Variants in DLG2 observed in about 807,000 individuals in gnomAD.
DLG2 encodes the protein discs large MAGUK scaffold protein 2, also known as disks large homolog 2.
Under a neutral mutation model 132.5 loss-of-function variants are expected in DLG2, and 45 were observed. The observed-to-expected ratio is 0.34, with a 90% confidence interval of 0.27 to 0.44. The LOEUF (loss-of-function observed/expected upper bound fraction) is 0.44, where lower values mean the gene tolerates loss of function less well. Ranked by LOEUF, DLG2 falls within the 20% of genes least tolerant of loss-of-function variation. DLG2 has a pLI of 1.00. For synonymous variants in DLG2, 424 were observed against 419.6 expected (o/e 1.01, Z -0.13); for missense variants, 1,045 against 1,196.9 (o/e 0.87, Z 1.87).
At chr11:85,207,094 A>G (rs2081949124) in intron 4 of DLG2, among the ~76,000 whole-genome samples, 1 of 152,172 alleles carries the variant, frequency 6.6e-6, no homozygotes, top group Non-Finnish European at 1.5e-5. Flanking sequence ...TCAGCAATAT[A>G]GTATATAGTA....
At chr11:84,319,049 T>C (rs2098387234) in intron 7 of DLG2, among the ~76,000 whole-genome samples, 1 of 152,262 alleles carries the variant, frequency 6.6e-6, no homozygotes, top group African/African-American at 2.4e-5. Context: ...TGAGGTATTC[T>C]TGTTAAGGAA....
At chr11:83,780,743 C>T (rs2094781511) in intron 18 of DLG2, among the ~76,000 whole-genome samples, 1 of 152,172 alleles carries the variant, frequency 6.6e-6, no homozygotes, top group Admixed American at 6.6e-5. Flanking sequence ...CTGAATGGCA[C>T]ATGAACTTCT....
rs138719364 is a variant in DLG2 at position 85,490,927 on chromosome 11, G to T, written c.40+107730C>A. 5.7e-4 allele frequency among the ~76,000 whole-genome samples: 87 copies of T among 152,116 alleles called. 1 individual carries two copies. In the East Asian group the frequency reaches 0.016, roughly 28 times the overall value. On this transcript the variant is annotated intron_variant, in intron 3 of 27. Coordinates refer to ENST00000376104, the MANE Select transcript of DLG2 (RefSeq NM_001142699.3). ...AATTATCCCGAATTCAATCTATGAG[G>T]CCGGTACCATCCTGATACCAAAACC...
In DLG2 at chr11:84,520,780, G is replaced by A. The variant is rs568834972; in HGVS notation, c.519+13790C>T. Among the ~76,000 whole-genome samples the A allele has an allele frequency of 1.4e-4, 22 of 152,284 alleles. No individual in the cohort carries two copies. The East Asian group carries it at 2.1e-3, about 15-fold the overall frequency. ...GTGTGGAAGAAGGGGTTCTTTAAGCGTAGATGGTAAAATTCAAGCCAACAA... is the reference window on the plus strand; with the variant it reads ...GTGTGGAAGAAGGGGTTCTTTAAGCATAGATGGTAAAATTCAAGCCAACAA... On this transcript the variant is annotated intron_variant, in intron 7 of 27. Coordinates refer to ENST00000376104, the MANE Select transcript of DLG2 (RefSeq NM_001142699.3).
At chr11:84,063,212 C>T (rs993509987) in intron 10 of DLG2, among the ~76,000 whole-genome samples, 40 of 152,170 alleles carry the variant, frequency 2.6e-4, no homozygotes, top group Non-Finnish European at 3.8e-4. Context: ...ATGTTATACA[C>T]GTAAGTCTAC....
chr11:84,577,998 C>G (rs900979572), intron 6 of DLG2, among the ~76,000 whole-genome samples: 17 of 152,342 alleles, frequency 1.1e-4, no homozygotes, highest in African/African-American at 3.8e-4. Context: ...CAATGTAGTA[C>G]ACAGGCTGTG....
rs530147042 is a variant in DLG2, at chr11:85,103,925, A to T, written c.357+7736T>A. Among the ~76,000 whole-genome samples, 4 of 152,024 alleles carry T rather than the reference A, an allele frequency of 2.6e-5. No homozygotes were observed. In the South Asian group the frequency reaches 8.3e-4, roughly 31 times the overall value. On this transcript the variant is annotated intron_variant, in intron 6 of 27. Transcript: ENST00000376104. ...GTATAGGATCTTAATAGACATTTTA[A>T]CAAGAAGATAAACGGTAATAAGTAC...
chr11:84,495,596 T>A (rs977234324), intron 7 of DLG2, among the ~76,000 whole-genome samples: 5 of 152,196 alleles, frequency 3.3e-5, no homozygotes, highest in Non-Finnish European at 5.9e-5. Context: ...AAAGAATAAA[T>A]GATGTCACCT....
chr11:83,610,434 A>C (rs2059953743), intron 19 of DLG2, among the ~76,000 whole-genome samples: 1 of 152,222 alleles, frequency 6.6e-6, no homozygotes, highest in Admixed American at 6.5e-5. Context: ...AAAGGGAAAC[A>C]GTAAGCTAAT....
At chr11:84,575,913 C>T (rs1302922285) in intron 6 of DLG2, among the ~76,000 whole-genome samples, 1 of 152,112 alleles carries the variant, frequency 6.6e-6, no homozygotes, top group South Asian at 2.1e-4. Context: ...AAACTACATC[C>T]CAGTGCTCAA....
At chr11:84,229,604 T>C (rs2097060824) in intron 8 of DLG2, among the ~76,000 whole-genome samples, 1 of 152,146 alleles carries the variant, frequency 6.6e-6, no homozygotes, top group Admixed American at 6.5e-5. Flanking sequence ...GGGTTGGGCC[T>C]CAGATCCTAC....
chr11:85,420,366 G>A (rs924977237), intron 3 of DLG2, among the ~76,000 whole-genome samples: 1 of 152,186 alleles, frequency 6.6e-6, no homozygotes, highest in African/African-American at 2.4e-5. Flanking sequence ...TGACATGTCT[G>A]TAGACTCCTG....
Position 84,531,435 on chromosome 11 carries a change from A to G in DLG2, c.519+3135T>C, listed in dbSNP as rs541960612. 6.6e-5 allele frequency among the ~76,000 whole-genome samples: 10 copies of G among 152,326 alleles called. No individual in the cohort carries two copies. In the South Asian group the frequency reaches 2.1e-3, roughly 32 times the overall value. ...ACCAAACCTCCATGATATGCAGTTT[A>G]CCTATATAACAAACCTGCACATGTA... On this transcript the variant is annotated intron_variant, in intron 7 of 27. Coordinates refer to ENST00000376104, the MANE Select transcript of DLG2 (RefSeq NM_001142699.3).
chr11:84,534,854 A>G (rs751600132), intron 6 of DLG2, 123 bp from the exon 7 acceptor site: 2 of 1,155,768 alleles, frequency 1.7e-6, no homozygotes, highest in South Asian at 2.5e-5. Context: ...GACTTCACCA[A>G]ATGGGCTTTG....
intron 6 of DLG2, among the ~76,000 whole-genome samples, chr11:84,744,954 C>G (rs1375625451): frequency 3.3e-5 from 5 of 150,312 alleles, no homozygotes; most frequent in African/African-American, 9.8e-5. Flanking sequence ...AAAACACACC[C>G]TCCTCATCTT....
At chr11:84,956,057 G>C (rs1016444511) in intron 6 of DLG2, among the ~76,000 whole-genome samples, 1 of 152,114 alleles carries the variant, frequency 6.6e-6, no homozygotes, top group Non-Finnish European at 1.5e-5. Flanking sequence ...TACCCAGCCA[G>C]GTATCATCAG....
At chr11:84,156,518 A>G (rs2095432605) in intron 9 of DLG2, among the ~76,000 whole-genome samples, 1 of 152,172 alleles carries the variant, frequency 6.6e-6, no homozygotes, top group South Asian at 2.1e-4. Flanking sequence ...AGAAAAAAAC[A>G]TTTGGAGTGC....
In DLG2 at chr11:84,856,211, C is replaced by T. The variant is rs1033741850; in HGVS notation, c.357+255450G>A. On this transcript the variant is annotated intron_variant, in intron 6 of 27. Coordinates refer to ENST00000376104, the MANE Select transcript of DLG2 (RefSeq NM_001142699.3). ...TCCTTCTTCGAAAAAACAGTCTTTT[C>T]AATATTTAAAGGGATGTCACATATT... Among the ~76,000 whole-genome samples the T allele has an allele frequency of 2.0e-5, 3 of 152,014 alleles. No homozygotes were observed. The East Asian group carries it at 5.8e-4, about 29-fold the overall frequency.
At chr11:84,424,042 A>T (rs528819854) in intron 7 of DLG2, among the ~76,000 whole-genome samples, 43 of 152,274 alleles carry the variant, frequency 2.8e-4, no homozygotes, top group African/African-American at 9.1e-4. Context: ...AGTCTATTAT[A>T]CTAATTAGAG....
Sources: gnomAD v4.1 joint callset for allele counts (sites outside exome capture counted in the v4.1 genomes callset) on GRCh38, gnomAD v4.1.1 for gene constraint, MANE v1.5 for transcripts, NCBI Gene and HGNC (gene_info 2026-07-23, HGNC 2026-07-21) for gene names.